ARHGAP12: variants seen among roughly 807,000 people sequenced by gnomAD.
ARHGAP12 encodes Rho GTPase activating protein 12, also known as rho GTPase-activating protein 12.
ARHGAP12 carries 64 observed loss-of-function variants against 108.6 expected under a neutral mutation model. The observed-to-expected ratio is 0.59, with a 90% confidence interval of 0.48 to 0.73. The LOEUF (loss-of-function observed/expected upper bound fraction) is 0.73. Ranked by LOEUF, ARHGAP12 falls within the 30% of genes least tolerant of loss-of-function variation. The probability of loss-of-function intolerance (pLI) is 0.00; values close to 1 mark genes in which losing one functional copy is unlikely to be tolerated. For missense variants in ARHGAP12, 940 were observed against 1,005.9 expected, an observed-to-expected ratio of 0.93 and a Z score of 0.89; for synonymous variants, 312 against 337.2, an observed-to-expected ratio of 0.93 and a Z score of 0.82.
chr10:31,828,335 T>C (rs1592261435), intron 10 of ARHGAP12, among the ~76,000 whole-genome samples: 1 of 152,128 alleles, frequency 6.6e-6, no homozygotes, highest in Admixed American at 6.5e-5. Context: ...AATAGATGAG[T>C]AGTCCATTTA....
chr10:31,826,285 A>G lies in ARHGAP12; in HGVS notation c.1530+19T>C, dbSNP rs1835602284. The G allele has an allele frequency of 1.3e-6, 2 of 1,585,208 alleles. No individual in the cohort carries two copies. Among genetic ancestry groups the G allele is most frequent in the South Asian group, 1.1e-5 (1 of 87,514 alleles). On this transcript the variant is annotated intron_variant, in intron 11 of 19. Transcript: ENST00000344936. ...CATAATTTAAATGTATAAAATCTCC[A>G]AAGAGAAGAAATACTTACCCAACTT...
chr10:31,911,605 C>T (rs1839351740), intron 1 of ARHGAP12, among the ~76,000 whole-genome samples: 1 of 152,162 alleles, frequency 6.6e-6, no homozygotes, highest in Non-Finnish European at 1.5e-5. Context: ...CGACCACACC[C>T]AGCCTACTTA....
intron 6 of ARHGAP12, among the ~76,000 whole-genome samples, chr10:31,851,676 T>C (rs1161001176): frequency 6.6e-6 from 1 of 152,226 alleles, no homozygotes; most frequent in Admixed American, 6.5e-5. Flanking sequence ...AAGAAAGCAC[T>C]ATTAACATTA....
chr10:31,862,889 G>A (rs1416460588), intron 3 of ARHGAP12, among the ~76,000 whole-genome samples: 1 of 152,202 alleles, frequency 6.6e-6, no homozygotes, highest in Non-Finnish European at 1.5e-5. Context: ...CTTCTGAAAT[G>A]TAACTAGAGT....
At position 31,861,631 on chromosome 10, in the gene ARHGAP12, G is replaced by C; in HGVS notation, c.712C>G (p.Pro238Ala). Residue 238 changes from proline (P) to alanine (A), a missense_variant, in exon 4 of 20, where the codon CCA becomes GCA. Transcript: ENST00000344936. ...RATTPPNQGR[P>A]DSPVYANLQE... is the part of the protein sequence containing the mutation. ...AGGTTAGCATAGACAGGAGAATCTGGCCTTCCTTGATTTGGAGGTGTGGTT... is the reference window on the plus strand; with the variant it reads ...AGGTTAGCATAGACAGGAGAATCTGCCCTTCCTTGATTTGGAGGTGTGGTT... 1 of 1,608,206 alleles carries C rather than the reference G, an allele frequency of 6.2e-7. No individual in the cohort carries two copies. The highest frequency in any genetic ancestry group is 1.1e-5 in the South Asian group (1 of 89,658).
At chr10:31,827,224 CATATT>C (rs1051817387) in intron 10 of ARHGAP12, among the ~76,000 whole-genome samples, 2 of 152,104 alleles carry the variant, frequency 1.3e-5, no homozygotes, top group African/African-American at 2.4e-5. Context: ...TCTCCCTTAT[CATATT>C]AGAGATTTTT....
chr10:31,873,016 A>G (rs1425889061), intron 3 of ARHGAP12, among the ~76,000 whole-genome samples: 6 of 152,192 alleles, frequency 3.9e-5, no homozygotes, highest in African/African-American at 1.4e-4. Context: ...CTGTTCCCCA[A>G]AGGCAGAATT....
In ARHGAP12 at chr10:31,891,863, C is replaced by G. The variant is rs143254618; in HGVS notation, c.684+16309G>C. 1.7e-4 allele frequency among the ~76,000 whole-genome samples: 26 copies of G among 152,308 alleles called. No individual in the cohort carries two copies. The East Asian group carries it at 4.8e-3, about 28-fold the overall frequency. On this transcript the variant is annotated intron_variant, in intron 3 of 19. Coordinates refer to ENST00000344936, the MANE Select transcript of ARHGAP12 (RefSeq NM_018287.7). Reference sequence around the variant, plus strand: ...CCATCACTGATACCTCTTCTTCCAGCTGATCGAATTGGATACTAAAGCTTG... The same window carrying G: ...CCATCACTGATACCTCTTCTTCCAGGTGATCGAATTGGATACTAAAGCTTG...
intron 10 of ARHGAP12, among the ~76,000 whole-genome samples, chr10:31,828,218 G>GT (rs1370526000): frequency 5.0e-5 from 3 of 60,014 alleles, no homozygotes; most frequent in African/African-American, 3.2e-4. Context: ...ACACCTTATT[G>GT]CTTTTTTTTT....
intron 3 of ARHGAP12, among the ~76,000 whole-genome samples, chr10:31,883,227 G>GGAGGTTGTGGTGAGTT (rs1838052861): frequency 6.6e-6 from 1 of 152,102 alleles, no homozygotes; most frequent in Non-Finnish European, 1.5e-5. Context: ...CCTGGGAGGC[G>GGAGGTTGTGGTGAGTT]GAGGTTGTGG....
intron 13 of ARHGAP12, 83 bp from the exon 14 acceptor site, chr10:31,814,444 T>C (rs1835129907): frequency 3.6e-6 from 4 of 1,109,716 alleles, no homozygotes; most frequent in South Asian, 1.3e-5. Context: ...CAATGACTAT[T>C]GTAAATGACT....
chr10:31,881,278 A>T (rs1163085734), intron 3 of ARHGAP12, among the ~76,000 whole-genome samples: 1 of 152,174 alleles, frequency 6.6e-6, no homozygotes, highest in African/African-American at 2.4e-5. Flanking sequence ...AAAAAACAAA[A>T]ACTTGCCTAA....
At chr10:31,891,130 T>C (rs1838411977) in intron 3 of ARHGAP12, among the ~76,000 whole-genome samples, 1 of 152,216 alleles carries the variant, frequency 6.6e-6, no homozygotes, top group Non-Finnish European at 1.5e-5. Context: ...CATTATACTA[T>C]GATAATAGCA....
intron 3 of ARHGAP12, among the ~76,000 whole-genome samples, chr10:31,870,189 T>C (rs371717508): frequency 6.6e-5 from 10 of 152,066 alleles, no homozygotes; most frequent in African/African-American, 1.9e-4. Flanking sequence ...ATTTTTGTAA[T>C]TTAGCTGCTT....
chr10:31,859,868 C>T (rs1367121887), intron 4 of ARHGAP12, among the ~76,000 whole-genome samples: 4 of 151,148 alleles, frequency 2.6e-5, no homozygotes, highest in African/African-American at 7.3e-5. Context: ...AATCTCGGCT[C>T]ACTGCAGTCT....
chr10:31,921,345 T>C (rs887138391), intron 1 of ARHGAP12, among the ~76,000 whole-genome samples: 8 of 152,010 alleles, frequency 5.3e-5, no homozygotes, highest in Admixed American at 3.9e-4. Flanking sequence ...ATTTCAAAAT[T>C]TGTGGGATAC....
chr10:31,890,386 A>G (rs1410471296), intron 3 of ARHGAP12, among the ~76,000 whole-genome samples: 1 of 152,222 alleles, frequency 6.6e-6, no homozygotes, highest in Admixed American at 6.5e-5. Context: ...ATATTACGTT[A>G]TAAATACTGA....
At chr10:31,922,914 G>C (rs1399604999) in intron 1 of ARHGAP12, among the ~76,000 whole-genome samples, 1 of 152,082 alleles carries the variant, frequency 6.6e-6, no homozygotes, top group African/African-American at 2.4e-5. Context: ...GATCACTTGA[G>C]GTCAGGAGTT....
chr10:31,870,153 T>C (rs1044233781), intron 3 of ARHGAP12, among the ~76,000 whole-genome samples: 5 of 152,040 alleles, frequency 3.3e-5, no homozygotes, highest in Non-Finnish European at 7.4e-5. Context: ...CTATTTTAAA[T>C]CATATACAGA....
Sources: allele counts gnomAD v4.1 joint callset (sites outside exome capture counted in the v4.1 genomes callset), GRCh38; gene constraint gnomAD v4.1.1; transcripts MANE v1.5; gene names NCBI Gene and HGNC (gene_info 2026-07-23, HGNC 2026-07-21).